ABCB11: variants seen among roughly 807,000 people sequenced by gnomAD.
ABCB11 encodes ATP binding cassette subfamily B member 11.
In ABCB11, 95 loss-of-function variants were observed where a neutral mutation model predicts 148.0. The observed-to-expected ratio is 0.64, with a 90% CI of 0.54 to 0.76. ABCB11 has a LOEUF of 0.76. Ranked by LOEUF, ABCB11 falls within the 30% of genes least tolerant of loss-of-function variation. ABCB11 has a pLI of 0.00. For missense variants in ABCB11, 1,523 were observed against 1,617.8 expected (o/e 0.94, Z 1.01); for synonymous variants, 591 against 555.4 (o/e 1.06, Z -0.90).
At chr2:168,924,301 G>A (rs1691208544) in intron 27 of ABCB11, among the ~76,000 whole-genome samples, 1 of 152,032 alleles carries the variant, frequency 6.6e-6, no homozygotes, top group Non-Finnish European at 1.5e-5. Context: ...CTCTTTCTTT[G>A]TGTTGCATGT....
intron 25 of ABCB11, 119 bp downstream of exon 25, chr2:168,930,546 T>C (rs1275244854): frequency 1.8e-5 from 12 of 685,446 alleles, no homozygotes; most frequent in Non-Finnish European, 2.6e-5. Flanking sequence ...ATGCATGGGG[T>C]AAGTGCCTTA....
intron 19 of ABCB11, among the ~76,000 whole-genome samples, chr2:168,945,743 A>G (rs1054528366): frequency 4.6e-5 from 7 of 151,868 alleles, no homozygotes; most frequent in African/African-American, 1.7e-4. Context: ...ATTTTGACCG[A>G]TATCTTTCTC....
chr2:168,915,410 TTTC>T (rs1262660365), downstream of ABCB11, among the ~76,000 whole-genome samples: 4 of 152,250 alleles, frequency 2.6e-5, no homozygotes. Flanking sequence ...TATACTTACA[TTTC>T]AGGATTTTTA....
intron 14 of ABCB11, among the ~76,000 whole-genome samples, chr2:168,970,901 G>C (rs1347555734): frequency 6.6e-6 from 1 of 151,992 alleles, no homozygotes; most frequent in East Asian, 1.9e-4. Context: ...AAAGTAACTT[G>C]AGAAAGTTTG....
intron 25 of ABCB11, 128 bp from the exon 26 acceptor site, chr2:168,927,490 A>C (rs1254856401): frequency 2.8e-6 from 2 of 726,936 alleles, no homozygotes; most frequent in Non-Finnish European, 4.5e-6. Context: ...CCCAAGGCTA[A>C]AATTATGGAA....
intron 19 of ABCB11, among the ~76,000 whole-genome samples, chr2:168,949,869 T>G (rs74420822): frequency 0.027 from 4,026 of 151,402 alleles, 189 homozygotes; most frequent in African/African-American, 0.092. Flanking sequence ...TTTAATCAGC[T>G]CTCAGTGAAT....
intron 13 of ABCB11, among the ~76,000 whole-genome samples, chr2:168,972,492 C>T (rs1693627175): frequency 6.6e-6 from 1 of 151,998 alleles, no homozygotes; most frequent in Non-Finnish European, 1.5e-5. Flanking sequence ...CATCAAATAA[C>T]ACTTTGCTGT....
intron 10 of ABCB11, among the ~76,000 whole-genome samples, chr2:168,985,013 A>G (rs1366514633): frequency 1.3e-5 from 2 of 151,548 alleles, no homozygotes; most frequent in Non-Finnish European, 2.9e-5. Context: ...GATGGGAGAA[A>G]ATCTTCACAA....
chr2:168,968,624 A>G (rs1271801495), intron 16 of ABCB11, 134 bp from the exon 17 acceptor site: 2 of 737,500 alleles, frequency 2.7e-6, no homozygotes, highest in East Asian at 5.5e-5. Context: ...ACTTTATTGC[A>G]ATAAATAAAA....
intron 18 of ABCB11, among the ~76,000 whole-genome samples, chr2:168,958,361 A>G (rs978694673): frequency 2.6e-5 from 4 of 151,704 alleles, no homozygotes; most frequent in Non-Finnish European, 5.9e-5. Flanking sequence ...GTGAGCTTAT[A>G]GTTCTTATTT....
At chr2:168,940,383 T>C (rs1338183634) in intron 21 of ABCB11, among the ~76,000 whole-genome samples, 1 of 152,102 alleles carries the variant, frequency 6.6e-6, no homozygotes, top group Non-Finnish European at 1.5e-5. Flanking sequence ...ATTGATGATA[T>C]GAAGAAAGTT....
chr2:168,987,749 T>C (rs1694374316), intron 9 of ABCB11, among the ~76,000 whole-genome samples: 1 of 152,168 alleles, frequency 6.6e-6, no homozygotes, highest in South Asian at 2.1e-4. Flanking sequence ...CAAATAGAAA[T>C]CTTATCAGAC....
At chr2:169,015,212 T>C (rs920276883) in intron 3 of ABCB11, among the ~76,000 whole-genome samples, 7 of 152,172 alleles carry the variant, frequency 4.6e-5, no homozygotes, top group African/African-American at 1.7e-4. Context: ...TTATTTTCTC[T>C]ACATCATCCT....
intron 25 of ABCB11, among the ~76,000 whole-genome samples, chr2:168,929,175 T>C (rs1691453481): frequency 6.6e-6 from 1 of 152,156 alleles, no homozygotes; most frequent in Non-Finnish European, 1.5e-5. Flanking sequence ...ATGAACTATT[T>C]CTTAGAAATT....
rs1053531990 is a variant in ABCB11, at chr2:168,932,473, T to C, written c.3117A>G (p.Pro1039=). 1.9e-6 allele frequency: 3 copies of C among 1,613,462 alleles called. No individual in the cohort carries two copies. Among genetic ancestry groups the C allele is most frequent in the African/African-American group, 1.3e-5 (1 of 75,010 alleles). The change falls in exon 24 of 28, where the codon CCA becomes CCG. Residue 1039 remains proline, a synonymous_variant. Transcript: ENST00000650372. ...CTGATATTTTAGCTTTTGCATAACT[T>C]GGGGTGTAAGAGAAGGCTCTTCCAA... ...TALGRAFSYT[P]SYAKAKISAA... is the part of the protein sequence containing the mutation.
In ABCB11 at chr2:168,992,979, C is replaced by A. The variant is rs1463964886; in HGVS notation, c.783+732G>T. Among the ~76,000 whole-genome samples the A allele has an allele frequency of 3.9e-5, 6 of 151,988 alleles. No individual in the cohort carries two copies. In the East Asian group the frequency reaches 1.2e-3, roughly 30 times the overall value. On this transcript the variant is annotated intron_variant, in intron 8 of 27. Coordinates refer to ENST00000650372, the MANE Select transcript of ABCB11 (RefSeq NM_003742.4). ...CATAACGTGCTATCTAATGTGGCTG[C>A]TCTAATAATAATTTCTCAGTCCTTG... is the stretch of plus-strand genomic sequence containing the variant.
intron 5 of ABCB11, among the ~76,000 whole-genome samples, chr2:169,011,851 G>T (rs1223263352): frequency 1.3e-5 from 2 of 152,064 alleles, no homozygotes; most frequent in Non-Finnish European, 2.9e-5. Context: ...TTTTTGTAGA[G>T]ACAGGGTCTC....
At position 168,958,011 on chromosome 2, in the gene ABCB11, C is replaced by T. The variant is rs763782349; in HGVS notation, c.2296G>A (p.Gly766Arg). 7 of 1,609,094 alleles carry T rather than the reference C, an allele frequency of 4.4e-6. No individual in the cohort carries two copies. The Admixed American group carries it at 1.0e-4, about 23-fold the overall frequency. ...LVGSVGAAVN[G>R]TVTPLYAFLF... ...AAGGCATACAAGGGTGTGACTGTCC[C>T]GTTCACAGCTGCACCCACAGACCCT... is the stretch of plus-strand genomic sequence containing the variant. Residue 766 changes from glycine to arginine, a missense_variant, in exon 19 of 28, where the codon GGG (glycine) becomes AGG (arginine). By Grantham distance (125) the Gly-to-Arg change is moderately radical (BLOSUM62 -2). Coordinates refer to ENST00000650372, the MANE Select transcript of ABCB11 (RefSeq NM_003742.4).
chr2:168,946,752 T>C (rs1441490173), intron 19 of ABCB11, among the ~76,000 whole-genome samples: 2 of 151,800 alleles, frequency 1.3e-5, no homozygotes, highest in African/African-American at 4.8e-5. Context: ...ATCAAGTTGT[T>C]TGTTCAAGTT....
Sources: allele counts gnomAD v4.1 joint callset (sites outside exome capture counted in the v4.1 genomes callset), GRCh38; gene constraint gnomAD v4.1.1; transcripts MANE v1.5; gene names NCBI Gene and HGNC (gene_info 2026-07-23, HGNC 2026-07-21).